Variants in LAMB4 observed in about 807,000 individuals in gnomAD.
The protein encoded by LAMB4 is laminin subunit beta 4.
A neutral mutation model predicts 199.2 loss-of-function variants in LAMB4; 196 were observed. The observed-to-expected ratio is 0.98, with a 90% CI of 0.88 to 1.11. The LOEUF (loss-of-function observed/expected upper bound fraction) is 1.11. Among genes scored for constraint, LAMB4 ranks in the 50% least tolerant of loss-of-function variants. The probability of loss-of-function intolerance (pLI) is 0.00; values close to 1 mark genes in which losing one functional copy is unlikely to be tolerated. For synonymous variants in LAMB4, 744 were observed against 770.6 expected, an observed-to-expected ratio of 0.97 and a Z score of 0.57; for missense variants, 2,080 against 2,171.2, an observed-to-expected ratio of 0.96 and a Z score of 0.83.
the LAMB4 span, among the ~76,000 whole-genome samples, chr7:108,015,662 A>G: frequency 6.6e-6 from 1 of 152,220 alleles, no homozygotes; most frequent in East Asian, 1.9e-4. Context: ...ATTTGGTAAC[A>G]TCAAGCTTAA....
In LAMB4 at chr7:108,057,848, T is replaced by C. The variant is rs2036033227; in HGVS notation, c.3363A>G (p.Pro1121=). 1 of 1,611,960 alleles carries C rather than the reference T, an allele frequency of 6.2e-7. No individual in the cohort carries two copies. Among genetic ancestry groups the C allele is most frequent in the East Asian group, 2.2e-5 (1 of 44,858 alleles). ...AATACTTACGAATGCATCGCCCAGG[T>C]GGATCACCATAATAATTTTCCTGGC... ...SECQENYYGD[P]PGRCIPCDCN... is the part of the protein sequence containing the mutation. The change falls in exon 24 of 34, where the codon CCA becomes CCG. Residue 1121 remains proline (P), a synonymous_variant. Transcript: ENST00000388781.
intron 11 of LAMB4, among the ~76,000 whole-genome samples, chr7:108,096,510 T>G (rs1437911022): frequency 6.6e-6 from 1 of 152,192 alleles, no homozygotes; most frequent in Non-Finnish European, 1.5e-5. Context: ...TGGGTATATA[T>G]GCAGAAGAGG....
intron 14 of LAMB4, among the ~76,000 whole-genome samples, chr7:108,088,179 T>C (rs912380384): frequency 6.6e-6 from 1 of 151,876 alleles, no homozygotes; most frequent in Non-Finnish European, 1.5e-5. Flanking sequence ...TTTTTTTTTT[T>C]TGGGAGAGAG....
At position 108,030,833 on chromosome 7, in the gene LAMB4, G is replaced by A; in HGVS notation, c.4965C>T (p.Ala1655=). ...AVNAKVQAES[A]QHQAGSLEKE... ...TCTCAAGACTCCCAGCCTGGTGTTGGGCAGATTCAGCCTGAACTTTCGCAT... is the reference window on the plus strand; with the variant it reads ...TCTCAAGACTCCCAGCCTGGTGTTGAGCAGATTCAGCCTGAACTTTCGCAT... Residue 1655 remains alanine (A), a synonymous_variant, in exon 32 of 34, where the codon GCC becomes GCT. Coordinates refer to ENST00000388781, the MANE Select transcript of LAMB4 (RefSeq NM_007356.3). 1 of 1,614,048 alleles carries A rather than the reference G, an allele frequency of 6.2e-7. No individual in the cohort carries two copies. The highest frequency in any genetic ancestry group is 1.1e-5 in the South Asian group (1 of 91,056).
At chr7:108,103,456 T>C (rs1403032552) in intron 9 of LAMB4, among the ~76,000 whole-genome samples, 1 of 152,232 alleles carries the variant, frequency 6.6e-6, no homozygotes, top group East Asian at 1.9e-4. Flanking sequence ...GTGCTCCCCA[T>C]ATGTTAAATA....
intron 3 of LAMB4, 144 bp from the exon 4 acceptor site, chr7:108,112,090 G>T (rs2038248681): frequency 3.6e-6 from 2 of 563,012 alleles, no homozygotes; most frequent in Non-Finnish European, 5.9e-6. Flanking sequence ...ACATCAAAAT[G>T]CCTATCAGTA....
intron 14 of LAMB4, among the ~76,000 whole-genome samples, chr7:108,086,436 A>G (rs1316344181): frequency 6.6e-6 from 1 of 152,204 alleles, no homozygotes; most frequent in African/African-American, 2.4e-5. Flanking sequence ...CACTGTACAC[A>G]TGCACACATA....
intron 10 of LAMB4, 98 bp downstream of exon 10, chr7:108,102,946 A>G: frequency 9.9e-7 from 1 of 1,009,018 alleles, no homozygotes; most frequent in Non-Finnish European, 1.4e-6. Context: ...GGTAGTTTGG[A>G]GATGCCGTTA....
intron 1 of LAMB4, among the ~76,000 whole-genome samples, chr7:108,126,900 T>C (rs2038808716): frequency 6.6e-6 from 1 of 152,222 alleles, no homozygotes; most frequent in East Asian, 1.9e-4. Flanking sequence ...TAATATACCA[T>C]TGTATGCACC....
chr7:108,038,673 T>C (rs892129324), intron 29 of LAMB4, among the ~76,000 whole-genome samples: 2 of 152,226 alleles, frequency 1.3e-5, no homozygotes, highest in Non-Finnish European at 2.9e-5. Flanking sequence ...ATTTTATTTT[T>C]ATTTTTAGCT....
chr7:108,063,200 T>C (rs1045283997), intron 22 of LAMB4, among the ~76,000 whole-genome samples: 6 of 152,190 alleles, frequency 3.9e-5, no homozygotes, highest in African/African-American at 1.4e-4. Context: ...TGCAAGTTCA[T>C]GTGGTCGAAC....
chr7:108,070,706 T>C (rs1238975706), intron 17 of LAMB4, among the ~76,000 whole-genome samples: 1 of 152,230 alleles, frequency 6.6e-6, no homozygotes, highest in African/African-American at 2.4e-5. Context: ...TGTATGTTAT[T>C]GGTAAGGCTT....
intron 8 of LAMB4, among the ~76,000 whole-genome samples, chr7:108,105,405 A>G (rs754696866): frequency 9.9e-5 from 15 of 152,194 alleles, no homozygotes; most frequent in Non-Finnish European, 1.6e-4. Context: ...TTGTGAGAGA[A>G]TGAATGTGAA....
chr7:108,076,548 T>C (rs1468597810), intron 17 of LAMB4, among the ~76,000 whole-genome samples: 1 of 152,196 alleles, frequency 6.6e-6, no homozygotes, highest in African/African-American at 2.4e-5. Context: ...TTAATGTGGT[T>C]GGATTTCTTC....
At chr7:108,127,307 G>C (rs1189288019) in intron 1 of LAMB4, among the ~76,000 whole-genome samples, 2 of 151,224 alleles carry the variant, frequency 1.3e-5, no homozygotes, top group East Asian at 3.9e-4. Context: ...GAGTCCAATG[G>C]GCAGCAAAAT....
At chr7:108,054,127 A>T (rs1303902312) in intron 25 of LAMB4, among the ~76,000 whole-genome samples, 1 of 152,038 alleles carries the variant, frequency 6.6e-6, no homozygotes, top group Non-Finnish European at 1.5e-5. Flanking sequence ...AGCTCACATG[A>T]TCCTTTTGCT....
intron 1 of LAMB4, among the ~76,000 whole-genome samples, chr7:108,129,299 T>C (rs1207034386): frequency 1.3e-5 from 2 of 152,226 alleles, no homozygotes; most frequent in Non-Finnish European, 2.9e-5. Context: ...ACCTTTCTTC[T>C]GCAAATTGGA....
rs190237700 is a variant in LAMB4, at chr7:108,027,869, G to A, written c.5146+1174C>T. Among the ~76,000 whole-genome samples the A allele has an allele frequency of 1.9e-3, 288 of 152,224 alleles. 1 individual carries two copies. The highest frequency in any genetic ancestry group is 6.8e-3 in the African/African-American group (282 of 41,534). On this transcript the variant is annotated intron_variant, in intron 33 of 33. Coordinates refer to ENST00000388781, the MANE Select transcript of LAMB4 (RefSeq NM_007356.3). ...GTGATCTTGGCTCACCGCAACCTCCGCCTCCTGGGTTCAAGCGATTCTCCT... is the reference window on the plus strand; with the variant it reads ...GTGATCTTGGCTCACCGCAACCTCCACCTCCTGGGTTCAAGCGATTCTCCT...
chr7:108,082,962 T>G (rs1268740921), intron 14 of LAMB4, among the ~76,000 whole-genome samples: 1 of 152,228 alleles, frequency 6.6e-6, no homozygotes, highest in African/African-American at 2.4e-5. Context: ...ATAGTCCCAC[T>G]TGCAGCTGTT....
Sources: gnomAD v4.1 joint callset for allele counts (sites outside exome capture counted in the v4.1 genomes callset) on GRCh38, gnomAD v4.1.1 for gene constraint, MANE v1.5 for transcripts, NCBI Gene and HGNC (gene_info 2026-07-23, HGNC 2026-07-21) for gene names.